Variants in PCBP4 observed in about 807,000 individuals in gnomAD.
PCBP4 encodes the protein poly(rC) binding protein 4, also known as poly(rC)-binding protein 4.
PCBP4 carries 24 observed loss-of-function variants against 46.2 expected under a neutral mutation model. That is an observed-to-expected ratio of 0.52 (90% CI 0.38 to 0.73). PCBP4 has a LOEUF of 0.73. Ranked by LOEUF, PCBP4 falls within the 30% of genes least tolerant of loss-of-function variation. The pLI is 0.00. For missense variants in PCBP4, 407 were observed against 537.0 expected (o/e 0.76, Z 2.39); for synonymous variants, 203 against 224.4 (o/e 0.90, Z 0.85).
chr3:51,961,417 A>G, intron 2 of PCBP4, 113 bp from the exon 3 acceptor site: 1 of 1,227,094 alleles, frequency 8.1e-7, no homozygotes, highest in Non-Finnish European at 1.1e-6. Flanking sequence ...AAGAGACTGC[A>G]TGGACCTTGA....
chr3:51,964,733 C>T (rs1700336866), intron 1 of PCBP4, among the ~76,000 whole-genome samples: 2 of 152,236 alleles, frequency 1.3e-5, no homozygotes, highest in South Asian at 4.1e-4. Flanking sequence ...GATGCTCACT[C>T]TCCTAACTAG....
chr3:51,965,121 T>C (rs1700359912), intron 1 of PCBP4, among the ~76,000 whole-genome samples: 1 of 152,168 alleles, frequency 6.6e-6, no homozygotes, highest in Admixed American at 6.5e-5. Context: ...CACTCTCTCA[T>C]CTACATTGAG....
At chr3:51,966,097 A>G (rs1172461015) in intron 1 of PCBP4, among the ~76,000 whole-genome samples, 1 of 152,208 alleles carries the variant, frequency 6.6e-6, no homozygotes, top group Non-Finnish European at 1.5e-5. Flanking sequence ...TGCAGCTCAG[A>G]GCTCTTTCCT....
chr3:51,963,980 G>A (rs537622537), intron 1 of PCBP4, among the ~76,000 whole-genome samples: 2 of 152,320 alleles, frequency 1.3e-5, no homozygotes, highest in South Asian at 2.1e-4. Context: ...GTCTTTGCCG[G>A]GCCACCCACG....
rs147492902 is a variant in PCBP4 at position 51,961,226 on chromosome 3, G to A, written c.15C>T (p.Asp5=). 8.4e-4 allele frequency: 1,360 copies of A among 1,612,252 alleles called. 16 individuals are homozygous for A. In the Admixed American group the frequency reaches 0.018, roughly 22 times the overall value. The part of the protein sequence containing the change: MSGS[D]GGLEEEPELS... ...GCTCTGGCTCCTCCTCCAGTCCCCC[G>A]TCCGAGCCGCTCATTCTGTCAGGCG... The change falls in exon 3 of 14, where the codon GAC becomes GAT. Residue 5 remains aspartate (D), a synonymous_variant. Transcript: ENST00000461554.
chr3:51,961,149 C>T lies in PCBP4; in HGVS notation c.81+11G>A, dbSNP rs376127677. On this transcript the variant is annotated intron_variant, in intron 3 of 13. Coordinates refer to ENST00000461554, the MANE Select transcript of PCBP4 (RefSeq NM_001174100.2). ...AGCCTTGCCTCGCCTGGCCCTCCAC[C>T]TCCCGCTCACCTTCCCGTGCATCAG... 3.7e-6 allele frequency: 6 copies of T among 1,613,818 alleles called. No homozygotes were observed. Among genetic ancestry groups the T allele is most frequent in the Admixed American group, 3.3e-5 (2 of 60,028 alleles).
At chr3:51,966,868 C>T (rs1227024794) in intron 1 of PCBP4, among the ~76,000 whole-genome samples, 1 of 150,224 alleles carries the variant, frequency 6.7e-6, no homozygotes, top group East Asian at 2.0e-4. Flanking sequence ...AGCTATGGGG[C>T]AAGAGGGACC....
chr3:51,958,216 A>G lies in PCBP4; in HGVS notation c.1057T>C (p.Ser353Pro). ...PGLLGTPYAI[S>P]LSNFIGLKPM... ...TTGAGGCCGATGAAGTTGGAGAGGG[A>G]GATGGCATAGGGTGTGCCCAGCAGG... The change falls in exon 14 of 14, where the codon TCC becomes CCC. Residue 353 changes from serine to proline, a missense_variant. By Grantham distance (74) the Ser-to-Pro change is moderately conservative. Coordinates refer to ENST00000461554, the MANE Select transcript of PCBP4 (RefSeq NM_001174100.2). This position sits in a 1 kb window ranked among gnomAD's most constrained non-coding sequence, Gnocchi z 5.4. The G allele has an allele frequency of 1.6e-5, 25 of 1,612,616 alleles. No individual in the cohort carries two copies. Among genetic ancestry groups the G allele is most frequent in the Non-Finnish European group, 2.1e-5 (25 of 1,179,292 alleles).
At position 51,958,986 on chromosome 3, in the gene PCBP4, G is replaced by A; in HGVS notation, c.754-27C>T. 6.2e-7 allele frequency: 1 copy of A among 1,613,772 alleles called. No homozygotes were observed. The highest frequency in any genetic ancestry group is 1.3e-5 in the African/African-American group (1 of 74,988). On this transcript the variant is annotated intron_variant, in intron 12 of 13. Coordinates refer to ENST00000461554, the MANE Select transcript of PCBP4 (RefSeq NM_001174100.2). This position sits in a 1 kb window ranked among gnomAD's most constrained non-coding sequence, Gnocchi z 5.4. ...TAGAGGGAAGGCAGAATTCAGCCCTGGGTGAGGTCCAGACCCCCAGACCCC... is the reference window on the plus strand; with the variant it reads ...TAGAGGGAAGGCAGAATTCAGCCCTAGGTGAGGTCCAGACCCCCAGACCCC...
In PCBP4 at chr3:51,959,228, C is replaced by T; in HGVS notation, c.700+1G>A. The T allele has an allele frequency of 1.9e-6, 3 of 1,613,968 alleles. No homozygotes were observed. The highest frequency in any genetic ancestry group is 1.7e-6 in the Non-Finnish European group (2 of 1,179,944). On this transcript the variant is annotated splice_donor_variant, in intron 11 of 13. Coordinates refer to ENST00000461554, the MANE Select transcript of PCBP4 (RefSeq NM_001174100.2). LOFTEE classifies it high-confidence loss of function. This position sits in a 1 kb window ranked among gnomAD's most constrained non-coding sequence, Gnocchi z 5.6. ...TGCCTCCTTGTGCAGGGGTGGCTTA[C>T]CTGGCACCACGCTGGGTGTGGCAAA...
rs1700125441 is a variant in PCBP4, at chr3:51,960,830, G to C, written c.138+36C>G. The stretch of plus-strand genomic sequence containing the variant: ...GGGCAGGGATCTCCCCTCCACATCA[G>C]GTGCCCTGGGCTCCTCCCCCAAACT... On this transcript the variant is annotated intron_variant, in intron 5 of 13. Transcript: ENST00000461554. The surrounding 1 kb of genome is among the most constrained non-coding windows in gnomAD (Gnocchi z 5.0). 2 of 1,609,700 alleles carry C rather than the reference G, an allele frequency of 1.2e-6. No individual in the cohort carries two copies. The highest frequency in any genetic ancestry group is 4.5e-5 in the East Asian group (2 of 44,748).
chr3:51,958,223 A>G lies in PCBP4; in HGVS notation c.1050T>C (p.Tyr350=), dbSNP rs1699918692. ...CGATGAAGTTGGAGAGGGAGATGGC[A>G]TAGGGTGTGCCCAGCAGGCCAGGGG... is the stretch of plus-strand genomic sequence containing the variant. ...TAPPGLLGTP[Y]AISLSNFIGL... Residue 350 remains tyrosine (Y), a synonymous_variant, in exon 14 of 14, where the codon TAT becomes TAC. Transcript: ENST00000461554. The surrounding 1 kb of genome is among the most constrained non-coding windows in gnomAD (Gnocchi z 5.4). The G allele has an allele frequency of 6.2e-7, 1 of 1,612,100 alleles. No individual in the cohort carries two copies. The highest frequency in any genetic ancestry group is 1.7e-5 in the Admixed American group (1 of 59,680).
rs1027645957 is a variant in PCBP4, at chr3:51,958,644, A to G, written c.923+146T>C. The G allele has an allele frequency of 5.7e-6, 5 of 876,158 alleles. No individual in the cohort carries two copies. Among genetic ancestry groups the G allele is most frequent in the Non-Finnish European group, 8.5e-6 (5 of 585,482 alleles). 54.3% of individuals were successfully genotyped at this position (876,158 alleles called of 1,614,324 possible). A position where few individuals can be genotyped will look rare whatever the true frequency, so the allele number is the denominator to read the frequency against. ...GCAACAGAGGGTGAATTAGGCAAAG[A>G]CCATGGGGAATTGGAGTAGGGTTAG... On this transcript the variant is annotated intron_variant, in intron 13 of 13. Coordinates refer to ENST00000461554, the MANE Select transcript of PCBP4 (RefSeq NM_001174100.2). This position sits in a 1 kb window ranked among gnomAD's most constrained non-coding sequence, Gnocchi z 5.4.
intron 1 of PCBP4, among the ~76,000 whole-genome samples, chr3:51,962,335 G>A (rs969768166): frequency 6.6e-6 from 1 of 152,134 alleles, no homozygotes; most frequent in African/African-American, 2.4e-5. Context: ...TTAGCTCAGT[G>A]GCCAGCCCTC....
intron 1 of PCBP4, among the ~76,000 whole-genome samples, chr3:51,964,502 C>T (rs987251138): frequency 6.6e-6 from 1 of 152,202 alleles, no homozygotes; most frequent in Non-Finnish European, 1.5e-5. Flanking sequence ...GCTTCACTCT[C>T]CATCTCACAT....
intron 1 of PCBP4, among the ~76,000 whole-genome samples, chr3:51,965,867 A>T (rs1700396829): frequency 6.6e-6 from 1 of 151,742 alleles, no homozygotes. Context: ...TTAGGTTTTC[A>T]GAGGGTGGGA....
In PCBP4 at chr3:51,957,754, C is replaced by T. The variant is rs1328541822; in HGVS notation, c.*307G>A. On this transcript the variant is annotated 3_prime_UTR_variant, in exon 14 of 14. Transcript: ENST00000461554. ...AGGAAGCCCTAAGGGATGGGGAGTG[C>T]GTGAGTGACACCCGCCATGGTGGGG... 1 of 230,186 alleles carries T rather than the reference C, an allele frequency of 4.3e-6. No individual in the cohort carries two copies. The highest frequency in any genetic ancestry group is 8.5e-6 in the Non-Finnish European group (1 of 118,170). The allele number at this position is 230,186 out of a possible 1,614,324, so 14.3% of individuals were successfully genotyped here.
In PCBP4 at chr3:51,957,772, T is replaced by G; in HGVS notation, c.*289A>C. 2 of 258,006 alleles carry G rather than the reference T, an allele frequency of 7.8e-6. No homozygotes were observed. Among genetic ancestry groups the G allele is most frequent in the Non-Finnish European group, 1.5e-5 (2 of 135,570 alleles). 16.0% of individuals were successfully genotyped at this position (258,006 alleles called of 1,614,324 possible). A position where few individuals can be genotyped will look rare whatever the true frequency, so the allele number is the denominator to read the frequency against. ...GGGAGTGCGTGAGTGACACCCGCCA[T>G]GGTGGGGGCACTAGGGAGTCTCCTG... is the stretch of plus-strand genomic sequence containing the variant. On this transcript the variant is annotated 3_prime_UTR_variant, in exon 14 of 14. Transcript: ENST00000461554.
At position 51,958,322 on chromosome 3, in the gene PCBP4, C is replaced by T. The variant is rs752694147; in HGVS notation, c.951G>A (p.Gly317=). The T allele has an allele frequency of 6.6e-7, 1 of 1,519,710 alleles. No homozygotes were observed. Among genetic ancestry groups the T allele is most frequent in the East Asian group, 2.3e-5 (1 of 43,122 alleles). The allele number at this position is 1,519,710 out of a possible 1,614,324, so 94.1% of individuals were successfully genotyped here. A position where few individuals can be genotyped will look rare whatever the true frequency, so the allele number is the denominator to read the frequency against. The change falls in exon 14 of 14, where the codon GGG becomes GGA. Residue 317 remains glycine, a synonymous_variant. Transcript: ENST00000461554. The surrounding 1 kb of genome is among the most constrained non-coding windows in gnomAD (Gnocchi z 5.4). ...CTGCGGGGGCCGAGCTGGGCGTCCC[C>T]CCAGAGGTAGACTTGGCCGTCTCTA... The part of the protein sequence containing the change: ...ACLETAKSTS[G]GTPSSAPADL...
Sources: allele counts gnomAD v4.1 joint callset (sites outside exome capture counted in the v4.1 genomes callset), GRCh38; gene constraint gnomAD v4.1.1; non-coding constraint Gnocchi (gnomAD v3.1); transcripts MANE v1.5; gene names NCBI Gene and HGNC (gene_info 2026-07-23, HGNC 2026-07-21).